FBXL17: variants seen among roughly 807,000 people sequenced by gnomAD.
FBXL17 encodes F-box and leucine rich repeat protein 17.
FBXL17 carries 22 observed loss-of-function variants against 66.2 expected under a neutral mutation model. The observed-to-expected ratio is 0.33, with a 90% CI of 0.24 to 0.47. The LOEUF (loss-of-function observed/expected upper bound fraction) is 0.47, where lower values mean the gene tolerates loss of function less well. Among genes scored for constraint, FBXL17 ranks in the 20% least tolerant of loss-of-function variants. The pLI, the probability that FBXL17 is intolerant of heterozygous loss-of-function variation, is 1.00. For synonymous variants in FBXL17, 474 were observed against 400.5 expected (o/e 1.18, Z -2.19); for missense variants, 878 against 948.2 (o/e 0.93, Z 0.97).
chr5:108,284,820 C>G lies in FBXL17; in HGVS notation c.1507-60592G>C, dbSNP rs112926757. Among the ~76,000 whole-genome samples, 15 of 151,948 alleles carry G rather than the reference C, an allele frequency of 9.9e-5. 2 individuals carry two copies. Among genetic ancestry groups the G allele is most frequent in the African/African-American group, 3.6e-4 (15 of 41,528 alleles). On this transcript the variant is annotated intron_variant, in intron 4 of 8. Transcript: ENST00000542267. The stretch of plus-strand genomic sequence containing the variant: ...GGCTACTGATTGATCAGGGTAGTGG[C>G]TGCTGAAGCTTGGGGTGGCTGTGGT...
chr5:108,326,588 G>A (rs1293381909), intron 4 of FBXL17, among the ~76,000 whole-genome samples: 4 of 152,178 alleles, frequency 2.6e-5, no homozygotes, highest in Admixed American at 2.0e-4. Context: ...GGGTGACAGA[G>A]CGACAGAGCA....
chr5:108,247,674 A>G (rs544634528), intron 4 of FBXL17, among the ~76,000 whole-genome samples: 5 of 152,168 alleles, frequency 3.3e-5, no homozygotes, highest in African/African-American at 1.2e-4. Flanking sequence ...TTTATTTTTT[A>G]AAGTTTTGAG....
At chr5:107,995,340 T>C (rs1284000705) in intron 7 of FBXL17, among the ~76,000 whole-genome samples, 3 of 152,228 alleles carry the variant, frequency 2.0e-5, no homozygotes, top group Admixed American at 6.5e-5. Context: ...ACACATGCTG[T>C]TTGAAAAATT....
At chr5:107,883,845 A>G (rs1748875566) in intron 7 of FBXL17, among the ~76,000 whole-genome samples, 1 of 152,210 alleles carries the variant, frequency 6.6e-6, no homozygotes, top group African/African-American at 2.4e-5. Context: ...ATACATCAGA[A>G]GCCCTCACAG....
intron 6 of FBXL17, among the ~76,000 whole-genome samples, chr5:108,122,648 T>C (rs1420111852): frequency 1.3e-5 from 2 of 152,200 alleles, no homozygotes; most frequent in Non-Finnish European, 2.9e-5. Flanking sequence ...ATGCCAATTG[T>C]GTATTCACAC....
chr5:107,962,841 G>A (rs900633909), intron 7 of FBXL17, among the ~76,000 whole-genome samples: 20 of 151,814 alleles, frequency 1.3e-4, no homozygotes, highest in African/African-American at 4.6e-4. Context: ...GATCTATATA[G>A]AAGTCTTTGT....
intron 4 of FBXL17, among the ~76,000 whole-genome samples, chr5:108,297,559 TTAAC>T (rs1219389776): frequency 1.3e-5 from 2 of 151,636 alleles, no homozygotes; most frequent in Non-Finnish European, 3.0e-5. Context: ...AAACATCACA[TTAAC>T]TGTTTATTCT....
At chr5:108,292,275 C>A (rs979811938) in intron 4 of FBXL17, among the ~76,000 whole-genome samples, 1 of 151,994 alleles carries the variant, frequency 6.6e-6, no homozygotes, top group Admixed American at 6.6e-5. Flanking sequence ...GCACACACCA[C>A]CACGCCCAGC....
chr5:108,061,924 T>C (rs1024220607), intron 6 of FBXL17, among the ~76,000 whole-genome samples: 3 of 152,022 alleles, frequency 2.0e-5, no homozygotes, highest in Non-Finnish European at 4.4e-5. Context: ...TAAAACACTT[T>C]GAGCTCCCCA....
chr5:108,186,329 G>A (rs886294962), intron 5 of FBXL17, 82 bp from the exon 6 acceptor site: 3 of 1,168,264 alleles, frequency 2.6e-6, no homozygotes, highest in Non-Finnish European at 3.7e-6. Flanking sequence ...TTTATTACAA[G>A]GTAGAGTATC....
chr5:107,946,998 T>G (rs1392364059), intron 7 of FBXL17, among the ~76,000 whole-genome samples: 1 of 152,102 alleles, frequency 6.6e-6, no homozygotes, highest in Non-Finnish European at 1.5e-5. Flanking sequence ...GTTAATTAAA[T>G]AATTAAAAAA....
At chr5:107,949,925 T>C (rs1470402028) in intron 7 of FBXL17, among the ~76,000 whole-genome samples, 1 of 152,212 alleles carries the variant, frequency 6.6e-6, no homozygotes, top group African/African-American at 2.4e-5. Context: ...ACATGACTTC[T>C]AAACCAGATG....
intron 6 of FBXL17, among the ~76,000 whole-genome samples, chr5:108,177,932 T>TATATATACACAC (rs1242739302): frequency 3.2e-5 from 4 of 126,834 alleles, no homozygotes; most frequent in African/African-American, 8.2e-5. Context: ...TATATATATA[T>TATATATACACAC]ACACACACAC....
At chr5:107,980,664 A>ATATATATATATATATATTTTTTTTTTT in intron 7 of FBXL17, among the ~76,000 whole-genome samples, 1 of 62,078 alleles carries the variant, frequency 1.6e-5, no homozygotes, top group African/African-American at 1.0e-4. Flanking sequence ...ATATATATAT[A>ATATATATATATATATATTTTTTTTTTT]TTTTTTTTTT....
Position 108,159,674 on chromosome 5 carries a change from AG to A in FBXL17, c.1745+26442del, listed in dbSNP as rs145425909. On this transcript the variant is annotated intron_variant, in intron 6 of 8. Coordinates refer to ENST00000542267, the MANE Select transcript of FBXL17 (RefSeq NM_001163315.3). The stretch of plus-strand genomic sequence containing the variant: ...CATAAATTTTTGTCATTTATAAGAC[AG>A]TTTATGGCATTCTGTTATAGCAACC... 9.1e-3 allele frequency among the ~76,000 whole-genome samples: 1,391 copies of A among 152,338 alleles called. 17 individuals are homozygous for A. Among genetic ancestry groups the A allele is most frequent in the African/African-American group, 0.032 (1,313 of 41,580 alleles).
At chr5:108,329,731 GA>G (rs1207359296) in intron 4 of FBXL17, among the ~76,000 whole-genome samples, 2 of 151,980 alleles carry the variant, frequency 1.3e-5, no homozygotes, top group African/African-American at 4.8e-5. Context: ...TATTTCACTT[GA>G]AGATGAAATA....
chr5:108,145,662 T>C (rs1025756387), intron 6 of FBXL17, among the ~76,000 whole-genome samples: 1 of 152,092 alleles, frequency 6.6e-6, no homozygotes, highest in African/African-American at 2.4e-5. Flanking sequence ...ACTTATCAGA[T>C]AGTGAGAATT....
intron 7 of FBXL17, among the ~76,000 whole-genome samples, chr5:107,938,486 T>C (rs1750982657): frequency 6.6e-6 from 1 of 152,112 alleles, no homozygotes; most frequent in African/African-American, 2.4e-5. Context: ...CTTCACAAAC[T>C]GTAGTCAGAA....
intron 5 of FBXL17, among the ~76,000 whole-genome samples, chr5:108,209,030 C>A (rs111303134): frequency 0.013 from 1,947 of 152,086 alleles, 33 homozygotes; most frequent in African/African-American, 0.043. Flanking sequence ...CCTTCATATC[C>A]CTTGTAAGTT....
Sources: gnomAD v4.1 joint callset for allele counts (sites outside exome capture counted in the v4.1 genomes callset) on GRCh38, gnomAD v4.1.1 for gene constraint, MANE v1.5 for transcripts, NCBI Gene and HGNC (gene_info 2026-07-23, HGNC 2026-07-21) for gene names.